ANO6: variants seen among roughly 807,000 people sequenced by gnomAD.
The protein encoded by ANO6 is anoctamin-6.
ANO6 carries 106 observed loss-of-function variants against 117.5 expected under a neutral mutation model. That is an observed-to-expected ratio of 0.90 (90% CI 0.77 to 1.06). The LOEUF (loss-of-function observed/expected upper bound fraction) is 1.06, where lower values mean the gene tolerates loss of function less well. Ranked by LOEUF, ANO6 falls within the 50% of genes least tolerant of loss-of-function variation. The probability of loss-of-function intolerance (pLI) is 0.00; values close to 1 mark genes in which losing one functional copy is unlikely to be tolerated. For synonymous variants in ANO6, 367 were observed against 385.1 expected, an observed-to-expected ratio of 0.95 and a Z score of 0.55; for missense variants, 955 against 1,121.1, an observed-to-expected ratio of 0.85 and a Z score of 2.12.
At chr12:45,375,390 T>C (rs1941979520) in intron 9 of ANO6, among the ~76,000 whole-genome samples, 1 of 152,226 alleles carries the variant, frequency 6.6e-6, no homozygotes, top group African/African-American at 2.4e-5. Context: ...AGAGCCCGCA[T>C]AGCCAAGTCA....
intron 7 of ANO6, among the ~76,000 whole-genome samples, chr12:45,352,561 A>T (rs56710494): frequency 5.1e-3 from 131 of 25,628 alleles, no homozygotes; most frequent in African/African-American, 0.032. Context: ...ATCCAGTCTT[A>T]AAAAAAAAAA....
intron 1 of ANO6, among the ~76,000 whole-genome samples, chr12:45,300,386 C>T (rs1045605801): frequency 2.0e-5 from 3 of 152,146 alleles, no homozygotes; most frequent in African/African-American, 7.2e-5. Flanking sequence ...ACCATGTTTC[C>T]CAGGCTGGTC....
chr12:45,216,608 C>G (rs958847614), intron 1 of ANO6, among the ~76,000 whole-genome samples: 2 of 152,190 alleles, frequency 1.3e-5, no homozygotes, highest in African/African-American at 2.4e-5. Context: ...GTGGTGGCCC[C>G]GAGGACAGGC....
intron 10 of ANO6, among the ~76,000 whole-genome samples, chr12:45,380,675 A>C (rs994220205): frequency 6.6e-6 from 1 of 152,220 alleles, no homozygotes; most frequent in African/African-American, 2.4e-5. Context: ...CCCTTGAATT[A>C]GGAGGTTGGA....
chr12:45,375,148 A>G (rs1468009534), intron 9 of ANO6, among the ~76,000 whole-genome samples: 9 of 152,286 alleles, frequency 5.9e-5, no homozygotes, highest in South Asian at 2.1e-4. Flanking sequence ...AACTTACAAG[A>G]GATGTGAAGG....
In ANO6 at chr12:45,425,911, A is replaced by G. The variant is rs535669834; in HGVS notation, c.2526+2849A>G. On this transcript the variant is annotated intron_variant, in intron 19 of 19. Coordinates refer to ENST00000320560, the MANE Select transcript of ANO6 (RefSeq NM_001025356.3). ...GATGGACATGTTAATTTGTTCCACT[A>G]TAGAGTAAGTCCTCACTTAACATCC... 4.7e-4 allele frequency among the ~76,000 whole-genome samples: 72 copies of G among 152,360 alleles called. No homozygotes were observed. The South Asian group carries it at 7.2e-3, about 15-fold the overall frequency.
intron 1 of ANO6, among the ~76,000 whole-genome samples, chr12:45,238,151 C>CTTTTTT (rs71437709): frequency 4.0e-4 from 52 of 130,846 alleles, no homozygotes; most frequent in South Asian, 5.0e-4. Flanking sequence ...TTTTCTTTTT[C>CTTTTTT]TTTTTTTTTT....
intron 3 of ANO6, among the ~76,000 whole-genome samples, chr12:45,334,917 T>G (rs980736326): frequency 1.3e-5 from 2 of 152,044 alleles, no homozygotes; most frequent in African/African-American, 4.8e-5. Context: ...ACTGATCTTT[T>G]GAATTTTGTT....
At chr12:45,388,733 T>G (rs923456104) in intron 11 of ANO6, among the ~76,000 whole-genome samples, 34 of 152,150 alleles carry the variant, frequency 2.2e-4, no homozygotes, top group Non-Finnish European at 4.6e-4. Flanking sequence ...GCAGTAAGCC[T>G]CAGTCACTGC....
chr12:45,312,583 T>G (rs1450902267), intron 2 of ANO6, among the ~76,000 whole-genome samples: 1 of 152,092 alleles, frequency 6.6e-6, no homozygotes, highest in African/African-American at 2.4e-5. Flanking sequence ...AACTGTAGTT[T>G]TCCTTATTTT....
At chr12:45,239,692 A>T (rs1265954031) in intron 1 of ANO6, among the ~76,000 whole-genome samples, 1 of 152,168 alleles carries the variant, frequency 6.6e-6, no homozygotes, top group Non-Finnish European at 1.5e-5. Flanking sequence ...TTAGTGCTAT[A>T]AATTTCCCTC....
chr12:45,241,384 A>C (rs142411513), intron 1 of ANO6, among the ~76,000 whole-genome samples: 1 of 152,138 alleles, frequency 6.6e-6, no homozygotes, highest in African/African-American at 2.4e-5. Context: ...TTCTCATACC[A>C]TGGTTTTCGG....
intron 8 of ANO6, among the ~76,000 whole-genome samples, chr12:45,361,315 C>T (rs914741389): frequency 3.3e-5 from 5 of 151,874 alleles, no homozygotes; most frequent in South Asian, 2.1e-4. Context: ...TAAATTGTTT[C>T]GTTAATTTAA....
intron 1 of ANO6, among the ~76,000 whole-genome samples, chr12:45,246,352 C>G (rs1298859720): frequency 1.3e-5 from 2 of 152,222 alleles, no homozygotes; most frequent in African/African-American, 4.8e-5. Context: ...CAGTGTAATC[C>G]TTTTTGAGTT....
At chr12:45,331,546 A>G in intron 3 of ANO6, 123 bp downstream of exon 3, 1 of 963,658 alleles carries the variant, frequency 1.0e-6, no homozygotes, top group South Asian at 1.9e-5. Context: ...ACAGTTTCAT[A>G]TTTTCTCTGC....
intron 16 of ANO6, among the ~76,000 whole-genome samples, chr12:45,409,757 TTTTG>T (rs1349851835): frequency 2.0e-5 from 3 of 152,148 alleles, no homozygotes; most frequent in Non-Finnish European, 4.4e-5. Flanking sequence ...CATTAATTCT[TTTTG>T]TTTGTTTTTT....
At chr12:45,264,859 G>A (rs1244779346) in intron 1 of ANO6, among the ~76,000 whole-genome samples, 1 of 152,162 alleles carries the variant, frequency 6.6e-6, no homozygotes, top group Non-Finnish European at 1.5e-5. Flanking sequence ...AGAAAGGAAC[G>A]TACAAAGCCA....
At chr12:45,253,838 T>G (rs1338248127) in intron 1 of ANO6, among the ~76,000 whole-genome samples, 3 of 152,194 alleles carry the variant, frequency 2.0e-5, no homozygotes, top group Non-Finnish European at 4.4e-5. Context: ...TTGCAAAAGC[T>G]CCTCAGAACT....
intron 1 of ANO6, among the ~76,000 whole-genome samples, chr12:45,279,201 GACTT>G (rs1938645303): frequency 6.6e-6 from 1 of 152,192 alleles, no homozygotes; most frequent in South Asian, 2.1e-4. Flanking sequence ...TCAATAAACA[GACTT>G]ACGACCATTC....
Sources: gnomAD v4.1 joint callset for allele counts (sites outside exome capture counted in the v4.1 genomes callset) on GRCh38, gnomAD v4.1.1 for gene constraint, MANE v1.5 for transcripts, NCBI Gene and HGNC (gene_info 2026-07-23, HGNC 2026-07-21) for gene names.